UVSSA: variants seen among roughly 807,000 people sequenced by gnomAD.
The protein encoded by UVSSA is UV-stimulated scaffold protein A.
Under a neutral mutation model 73.9 loss-of-function variants are expected in UVSSA, and 72 were observed. That is an observed-to-expected ratio of 0.97 (90% CI 0.81 to 1.19). The LOEUF (loss-of-function observed/expected upper bound fraction) is 1.19, where lower values mean the gene tolerates loss of function less well. Among genes scored for constraint, UVSSA ranks in the 50% most tolerant of loss-of-function variants. UVSSA has a pLI of 0.00. For synonymous variants in UVSSA, 454 were observed against 391.3 expected, an observed-to-expected ratio of 1.16 and a Z score of -1.89; for missense variants, 1,150 against 965.0, an observed-to-expected ratio of 1.19 and a Z score of -2.54.
At chr4:1,354,627 C>T (rs551044659) in intron 5 of UVSSA, 108 bp from the exon 6 acceptor site, 13 of 913,060 alleles carry the variant, frequency 1.4e-5, no homozygotes, top group Non-Finnish European at 2.1e-5. Flanking sequence ...GGGCGTCTGG[C>T]AGGTTCCCCT....
chr4:1,346,129 G>A (rs915566203), upstream of UVSSA, among the ~76,000 whole-genome samples: 1 of 152,292 alleles, frequency 6.6e-6, no homozygotes, highest in Non-Finnish European at 1.5e-5. Context: ...GGCGGCGCAG[G>A]GAGTCCCTCT....
chr4:1,383,383 G>C (rs1719725137), intron 12 of UVSSA, among the ~76,000 whole-genome samples: 1 of 152,198 alleles, frequency 6.6e-6, no homozygotes. Context: ...AAAGGAGCTT[G>C]CGGATGGTGC....
rs1363674974 is a variant in UVSSA at position 1,387,027 on chromosome 4, A to G, written c.*1066A>G. ...AGCCACCACTCCTGGCCAGGAGTTT[A>G]TATGTATACTGTGGATACTAGATCC... On this transcript the variant is annotated 3_prime_UTR_variant, in exon 14 of 14. Coordinates refer to ENST00000389851, the MANE Select transcript of UVSSA (RefSeq NM_020894.4). 1.3e-5 allele frequency: 2 copies of G among 151,250 alleles called. No individual in the cohort carries two copies. Among genetic ancestry groups the G allele is most frequent in the African/African-American group, 2.4e-5 (1 of 41,034 alleles). The allele number at this position is 151,250 out of a possible 1,614,324, so 9.4% of individuals were successfully genotyped here.
chr4:1,379,103 A>G (rs1719125621), intron 10 of UVSSA, among the ~76,000 whole-genome samples: 1 of 151,788 alleles, frequency 6.6e-6, no homozygotes, highest in South Asian at 2.1e-4. Flanking sequence ...CTGCTCCTCC[A>G]GCATCCTCAG....
intron 7 of UVSSA, chr4:1,356,497 G>A (rs1387352770): frequency 2.0e-5 from 3 of 152,284 alleles, no homozygotes; most frequent in African/African-American, 4.8e-5. Context: ...CGCGTTTGTG[G>A]GTGCTGGTCA....
intron 8 of UVSSA, among the ~76,000 whole-genome samples, chr4:1,370,097 C>T (rs1430780661): frequency 6.6e-6 from 1 of 152,140 alleles, no homozygotes; most frequent in Non-Finnish European, 1.5e-5. Context: ...TGCTTTAACA[C>T]GCTTACCCAT....
At chr4:1,379,258 G>A (rs1719143204) in intron 10 of UVSSA, among the ~76,000 whole-genome samples, 3 of 152,230 alleles carry the variant, frequency 2.0e-5, no homozygotes, top group Admixed American at 6.5e-5. Flanking sequence ...GTGGCTGTGT[G>A]TCCTAGAAGG....
intron 10 of UVSSA, among the ~76,000 whole-genome samples, chr4:1,378,751 G>A (rs556379891): frequency 1.1e-3 from 162 of 152,346 alleles, no homozygotes; most frequent in Non-Finnish European, 1.8e-3. Flanking sequence ...GGCCTTGGGT[G>A]CAGCAGGAAG....
At position 1,395,223 on chromosome 4, in the gene UVSSA, G is replaced by A. The variant is rs769499932; in HGVS notation, c.*9262G>A. On this transcript the variant is annotated 3_prime_UTR_variant, in exon 14 of 14. Transcript: ENST00000511216. ...GCCTGCTCACACGTGCCGATGCGGA[G>A]TGCCCGCCTGCTCACACGTGCCCAT... is the stretch of plus-strand genomic sequence containing the variant. 9 of 1,477,838 alleles carry A rather than the reference G, an allele frequency of 6.1e-6. 1 individual carries two copies. The highest frequency in any genetic ancestry group is 1.7e-5 in the African/African-American group (1 of 57,672). The allele number at this position is 1,477,838 out of a possible 1,614,324, so 91.5% of individuals were successfully genotyped here.
intron 8 of UVSSA, among the ~76,000 whole-genome samples, chr4:1,371,914 C>T (rs546145996): frequency 6.6e-6 from 1 of 152,294 alleles, no homozygotes; most frequent in East Asian, 1.9e-4. Flanking sequence ...CTCATTCTTT[C>T]CCTAACAGCC....
At chr4:1,372,794 TGCACTCACCTCCCGCGTCTCAGG>T (rs1353757456) in intron 8 of UVSSA, among the ~76,000 whole-genome samples, 107 of 43,718 alleles carry the variant, frequency 2.4e-3, no homozygotes, top group East Asian at 8.6e-3. Context: ...CCCGCGTCCC[TGCACTCACCTCCCGCGTCTCAGG>T]GCACTCACCT....
chr4:1,361,885 G>C (rs1244866295), intron 7 of UVSSA, among the ~76,000 whole-genome samples: 7 of 149,572 alleles, frequency 4.7e-5, no homozygotes, highest in South Asian at 4.2e-4. Context: ...AAGGGAAACA[G>C]ACACACATAA....
chr4:1,382,085 C>T (rs1444818550), intron 12 of UVSSA, among the ~76,000 whole-genome samples: 1 of 152,206 alleles, frequency 6.6e-6, no homozygotes, highest in African/African-American at 2.4e-5. Context: ...TCTGTCATGG[C>T]TCCCGGGTGT....
chr4:1,380,596 G>A, intron 11 of UVSSA: 2 of 1,446,284 alleles, frequency 1.4e-6, no homozygotes, highest in South Asian at 1.3e-5. Context: ...AGCTGGGCAT[G>A]GTGCAGGGGG....
intron 8 of UVSSA, among the ~76,000 whole-genome samples, chr4:1,374,206 G>A (rs1372073860): frequency 6.6e-6 from 1 of 152,236 alleles, no homozygotes; most frequent in East Asian, 1.9e-4. Flanking sequence ...GCCCACAGGG[G>A]AGGACAGGCT....
At chr4:1,360,394 G>A (rs921969878) in intron 7 of UVSSA, among the ~76,000 whole-genome samples, 27 of 152,150 alleles carry the variant, frequency 1.8e-4, no homozygotes, top group African/African-American at 6.3e-4. Flanking sequence ...GCCCCATGCT[G>A]TTACCCCTTT....
chr4:1,354,343 T>G (rs888561014), intron 5 of UVSSA, among the ~76,000 whole-genome samples: 298 of 66,044 alleles, frequency 4.5e-3, no homozygotes, highest in African/African-American at 6.4e-3. Context: ...GCCGGGGGGG[T>G]GGGGGCTGGT....
intron 7 of UVSSA, chr4:1,359,546 G>A (rs1322472746): frequency 6.6e-6 from 1 of 152,184 alleles, no homozygotes; most frequent in Non-Finnish European, 1.5e-5. Flanking sequence ...GTTCTCTTTA[G>A]TACCGTCAGC....
At chr4:1,384,093 C>G (rs952036700) in intron 13 of UVSSA, 153 bp downstream of exon 13, 2 of 973,748 alleles carry the variant, frequency 2.1e-6, no homozygotes, top group Non-Finnish European at 2.9e-6. Context: ...CCAGCCTTTC[C>G]CCGGGGAGGG....
Sources: allele counts gnomAD v4.1 joint callset (sites outside exome capture counted in the v4.1 genomes callset), GRCh38; gene constraint gnomAD v4.1.1; transcripts MANE v1.5; gene names NCBI Gene and HGNC (gene_info 2026-07-23, HGNC 2026-07-21).